The following HTT variants were observed in gnomAD, a reference collection of about 807,000 sequenced individuals.
HTT encodes the protein huntington disease protein.
HTT carries 104 observed loss-of-function variants against 362.3 expected under a neutral mutation model. The ratio of observed to expected loss-of-function variants is 0.29; its 90% CI spans 0.24 to 0.34. The LOEUF is 0.34. Among genes scored for constraint, HTT ranks in the 10% least tolerant of loss-of-function variants. The pLI is 1.00. For missense variants in HTT, 3,301 were observed against 3,928.6 expected (o/e 0.84, Z 4.27); for synonymous variants, 1,577 against 1,548.7 (o/e 1.02, Z -0.43).
At chr4:3,124,127 A>T (rs904631122) in intron 10 of HTT, among the ~76,000 whole-genome samples, 5 of 152,216 alleles carry the variant, frequency 3.3e-5, no homozygotes, top group African/African-American at 1.2e-4. Flanking sequence ...CAAGTTTGAG[A>T]TTTTAGTGAA....
intron 40 of HTT, 46 bp downstream of exon 40, chr4:3,189,139 C>A: frequency 6.3e-7 from 1 of 1,586,116 alleles, no homozygotes; most frequent in South Asian, 1.1e-5. Context: ...GTTCCCCATT[C>A]TGCACTATAC....
At chr4:3,081,078 A>G (rs527546166) in intron 1 of HTT, among the ~76,000 whole-genome samples, 6 of 152,186 alleles carry the variant, frequency 3.9e-5, no homozygotes, top group Non-Finnish European at 7.3e-5. Context: ...GGTCCCTTGC[A>G]TTTCCGTACG....
chr4:3,165,630 A>G (rs1384724780), intron 29 of HTT, among the ~76,000 whole-genome samples: 1 of 151,486 alleles, frequency 6.6e-6, no homozygotes. Context: ...TTTTTTCTCT[A>G]ATCTTGTCTT....
At chr4:3,161,369 C>T (rs957648729) in intron 29 of HTT, among the ~76,000 whole-genome samples, 3 of 152,128 alleles carry the variant, frequency 2.0e-5, no homozygotes, top group Non-Finnish European at 4.4e-5. Flanking sequence ...GTGACTAGTG[C>T]CACAATAAAC....
Position 3,129,943 on chromosome 4 carries a change from A to T in HTT, c.1763A>T (p.Asn588Ile). 1 of 1,614,108 alleles carries T rather than the reference A, an allele frequency of 6.2e-7. No homozygotes were observed. The highest frequency in any genetic ancestry group is 8.5e-7 in the Non-Finnish European group (1 of 1,180,002). ...GTTTAGGTGTTAGACGGTACCGACA[A>T]CCAGTATTTGGGCCTGCAGATTGGA... ...SSEIVLDGTD[N>I]QYLGLQIGQP... The change falls in exon 13 of 67, where the codon AAC (asparagine) becomes ATC (isoleucine). Residue 588 changes from asparagine to isoleucine, a missense_variant. By Grantham distance (149) the Asn-to-Ile change is moderately radical. This residue lies in a region of HTT where 2,316 missense variants were observed against 2,658.5 expected (regional missense o/e 0.87). Transcript: ENST00000355072.
intron 12 of HTT, chr4:3,128,694 A>G (rs1311948421): frequency 6.6e-6 from 1 of 152,228 alleles, no homozygotes; most frequent in Non-Finnish European, 1.5e-5. Context: ...CCTCATGGAT[A>G]GTCTAATAAT....
chr4:3,078,796 G>A (rs1420554750), intron 1 of HTT, among the ~76,000 whole-genome samples: 4 of 149,406 alleles, frequency 2.7e-5, no homozygotes, highest in Admixed American at 1.4e-4. Flanking sequence ...GTGCAGTGGC[G>A]CGATCTCAGC....
chr4:3,144,265 GA>G (rs1166744580), intron 23 of HTT, among the ~76,000 whole-genome samples: 1 of 151,894 alleles, frequency 6.6e-6, no homozygotes, highest in East Asian at 1.9e-4. Flanking sequence ...TTTGTTATCA[GA>G]AAAAAATAAT....
chr4:3,187,855 A>C lies in HTT; in HGVS notation c.5194A>C (p.Ile1732Leu). Reference sequence around the variant, plus strand: ...AGAAGAACACAGTGAAGGGAAACAAATAAAGAATTTGCCAGAAGAAACATT... The same window carrying C: ...AGAAGAACACAGTGAAGGGAAACAACTAAAGAATTTGCCAGAAGAAACATT... ...TLEEHSEGKQ[I>L]KNLPEETFSR... The change falls in exon 39 of 67, where the codon ATA (isoleucine) becomes CTA (leucine). Residue 1732 changes from isoleucine (I) to leucine (L), a missense_variant. Transcript: ENST00000355072. 4 of 1,612,416 alleles carry C rather than the reference A, an allele frequency of 2.5e-6. No homozygotes were observed. The highest frequency in any genetic ancestry group is 3.4e-6 in the Non-Finnish European group (4 of 1,178,686).
intron 2 of HTT, among the ~76,000 whole-genome samples, chr4:3,087,960 C>T (rs1335508151): frequency 2.0e-5 from 3 of 151,902 alleles, no homozygotes; most frequent in Non-Finnish European, 2.9e-5. Context: ...AAGTGATTCT[C>T]CTGCCTCAGC....
At chr4:3,105,282 A>G (rs570418253) in intron 4 of HTT, 75 bp from the exon 5 acceptor site, 2 of 979,742 alleles carry the variant, frequency 2.0e-6, no homozygotes, top group East Asian at 2.4e-5. Context: ...AAGGAAAGAA[A>G]ATGCTTCGTT....
intron 66 of HTT, 98 bp from the exon 67 acceptor site, chr4:3,239,748 C>T: frequency 2.0e-6 from 2 of 981,820 alleles, no homozygotes; most frequent in Non-Finnish European, 3.1e-6. Flanking sequence ...GCTCCCTGGA[C>T]CCCTTTGTAG....
intron 64 of HTT, among the ~76,000 whole-genome samples, chr4:3,237,673 C>T (rs753560231): frequency 6.6e-6 from 1 of 152,170 alleles, no homozygotes; most frequent in African/African-American, 2.4e-5. Context: ...CGAGGGTCTG[C>T]GGGCGGGTAG....
At chr4:3,124,996 T>C (rs533220396) in intron 10 of HTT, among the ~76,000 whole-genome samples, 3 of 152,198 alleles carry the variant, frequency 2.0e-5, no homozygotes, top group Non-Finnish European at 4.4e-5. Context: ...AGATGAACAA[T>C]AAAATGTATT....
chr4:3,156,431 A>G (rs2110214017), intron 27 of HTT, among the ~76,000 whole-genome samples: 1 of 152,286 alleles, frequency 6.6e-6, no homozygotes, highest in Non-Finnish European at 1.5e-5. Flanking sequence ...CAAGCGTTTT[A>G]AAAGATGCTC....
chr4:3,207,799 A>G (rs1409247510), intron 45 of HTT, among the ~76,000 whole-genome samples: 1 of 152,240 alleles, frequency 6.6e-6, no homozygotes, highest in Non-Finnish European at 1.5e-5. Context: ...TATGTCTTCA[A>G]AGCATTTAAT....
At chr4:3,125,028 A>G (rs1715458963) in intron 10 of HTT, among the ~76,000 whole-genome samples, 1 of 152,216 alleles carries the variant, frequency 6.6e-6, no homozygotes. Flanking sequence ...CAAATGAAAT[A>G]TTATTTCATC....
Position 3,103,897 on chromosome 4 carries a change from T to C in HTT, c.528+14T>C. The C allele has an allele frequency of 6.4e-7, 1 of 1,554,572 alleles. No homozygotes were observed. Among genetic ancestry groups the C allele is most frequent in the East Asian group, 2.2e-5 (1 of 44,512 alleles). ...GAAATTAAAAAGGTGGGCCTTGCTT[T>C]TCTTTTTTAAAAATGTTTTAAATTT... On this transcript the variant is annotated intron_variant, in intron 4 of 66. Coordinates refer to ENST00000355072, the MANE Select transcript of HTT (RefSeq NM_001388492.1).
At chr4:3,196,064 A>C (rs1244258022) in intron 40 of HTT, among the ~76,000 whole-genome samples, 1 of 152,076 alleles carries the variant, frequency 6.6e-6, no homozygotes, top group Non-Finnish European at 1.5e-5. Flanking sequence ...AGTCAGGGAA[A>C]CCCTTGGAAG....
Sources: gnomAD v4.1 joint callset for allele counts (sites outside exome capture counted in the v4.1 genomes callset) on GRCh38, gnomAD v4.1.1 for gene constraint, gnomAD v4.1.1 regional missense constraint, MANE v1.5 for transcripts, NCBI Gene and HGNC (gene_info 2026-07-23, HGNC 2026-07-21) for gene names.